The following NFKB2 variants were observed in gnomAD, a reference collection of about 807,000 sequenced individuals.
NFKB2 encodes nuclear factor kappa B subunit 2.
A neutral mutation model predicts 109.3 loss-of-function variants in NFKB2; 21 were observed. That is an observed-to-expected ratio of 0.19 (90% confidence interval 0.14 to 0.28). The LOEUF is 0.28. Among genes scored for constraint, NFKB2 ranks in the 10% least tolerant of loss-of-function variants. NFKB2 has a pLI of 1.00. For synonymous variants in NFKB2, 478 were observed against 489.9 expected, an observed-to-expected ratio of 0.98 and a Z score of 0.32; for missense variants, 806 against 1,185.3, an observed-to-expected ratio of 0.68 and a Z score of 4.70.
At position 102,400,336 on chromosome 10, in the gene NFKB2, G is replaced by C. The variant is rs201353619; in HGVS notation, c.1643G>C (p.Arg548Pro). 7.4e-6 allele frequency: 12 copies of C among 1,613,836 alleles called. No homozygotes were observed. The highest frequency in any genetic ancestry group is 1.3e-5 in the African/African-American group (1 of 74,924). Reference sequence around the variant, plus strand: ...ACGAGTGTGGTGAGCTTTCTGCTGCGGGTAGGTGCAGACCCAGCTCTGCTG... The same window carrying C: ...ACGAGTGTGGTGAGCTTTCTGCTGCCGGTAGGTGCAGACCCAGCTCTGCTG... ...GQTSVVSFLL[R>P]VGADPALLDR... is the part of the protein sequence containing the mutation. Residue 548 changes from arginine (R) to proline (P), a missense_variant, in exon 16 of 23, where the codon CGG becomes CCG. Arg to Pro is a moderately radical substitution (Grantham distance 103, BLOSUM62 -2). Around this residue, in one of 10 missense-constraint regions of NFKB2, gnomAD observed 163 missense variants for 207.1 expected, o/e 0.79. Coordinates refer to ENST00000661543, the MANE Select transcript of NFKB2 (RefSeq NM_001322934.2). This position sits in a 1 kb window ranked among gnomAD's most constrained non-coding sequence, Gnocchi z 6.3.
rs994892633 is a variant in NFKB2, at chr10:102,397,824, C to G, written c.661+139C>G. 15 of 1,279,130 alleles carry G rather than the reference C, an allele frequency of 1.2e-5. No individual in the cohort carries two copies. Among genetic ancestry groups the G allele is most frequent in the Admixed American group, 2.1e-5 (1 of 48,380 alleles). The allele number at this position is 1,279,130 out of a possible 1,614,324, so 79.2% of individuals were successfully genotyped here. The stretch of plus-strand genomic sequence containing the variant: ...ATGAGCTGAGTGATCCTGAGCAAGT[C>G]ATTTCCCCCCCGAAGCTTCTGTCTT... On this transcript the variant is annotated intron_variant, in intron 8 of 22. Coordinates refer to ENST00000661543, the MANE Select transcript of NFKB2 (RefSeq NM_001322934.2). The surrounding 1 kb of genome is among the most constrained non-coding windows in gnomAD (Gnocchi z 4.7).
chr10:102,395,724 C>G lies in NFKB2; in HGVS notation c.-145C>G, dbSNP rs1253773613. ...TGCTCTAACTTTCCTGCCCCTTCCC[C>G]GGCCAAGCCCAACTCCGGATCTCGC... is the stretch of plus-strand genomic sequence containing the variant. On this transcript the variant is annotated 5_prime_UTR_variant, in exon 1 of 23. Coordinates refer to ENST00000661543, the MANE Select transcript of NFKB2 (RefSeq NM_001322934.2). 14 of 596,588 alleles carry G rather than the reference C, an allele frequency of 2.3e-5. No individual in the cohort carries two copies. The Admixed American group carries it at 4.1e-4, about 17-fold the overall frequency. The allele number at this position is 596,588 out of a possible 1,614,324, so 37.0% of individuals were successfully genotyped here.
rs1356505449 is a variant in NFKB2 at position 102,397,592 on chromosome 10, G to C, written c.568G>C (p.Val190Leu). Residue 190 changes from valine to leucine, a missense_variant, in exon 8 of 23, where the codon GTG becomes CTG. This residue lies in a region of NFKB2 where 62 missense variants were observed against 102.2 expected (regional missense o/e 0.61). Transcript: ENST00000661543. This position sits in a 1 kb window ranked among gnomAD's most constrained non-coding sequence, Gnocchi z 4.7. Reference protein sequence around the residue: ...ELKKVMDLSIVRLRFSAFLRA... With the variant: ...ELKKVMDLSILRLRFSAFLRA... ...GAAGAAGGTGATGGATCTGAGTATA[G>C]TGCGGCTGCGCTTCTCTGCCTTCCT... The C allele has an allele frequency of 6.2e-7, 1 of 1,614,004 alleles. No individual in the cohort carries two copies. Among genetic ancestry groups the C allele is most frequent in the African/African-American group, 1.3e-5 (1 of 74,938 alleles).
chr10:102,402,354 AC>A lies in NFKB2; in HGVS notation c.2686del (p.Gln896SerfsTer41). The A allele has an allele frequency of 1.3e-6, 2 of 1,554,234 alleles. No individual in the cohort carries two copies. The highest frequency in any genetic ancestry group is 1.7e-6 in the Non-Finnish European group (2 of 1,151,660). On this transcript the variant is annotated frameshift_variant, in exon 23 of 23. Transcript: ENST00000661543. LOFTEE classifies it high-confidence loss of function. ...CCACCAGGAGGGCTCTGCCACGGGC[AC>A]CCCCAGCCTCAGGTGCACTGACCTG... ...PEPPGGLCHG[H>X]PQPQVH
chr10:102,395,590 T>C (rs1294702385), upstream of NFKB2: 9 of 420,462 alleles, frequency 2.1e-5, no homozygotes, highest in African/African-American at 5.9e-5. Context: ...CCGTAGACTG[T>C]CGAGGGCCTC....
chr10:102,402,295 G>T lies in NFKB2; in HGVS notation c.2622G>T (p.Glu874Asp). 1 of 1,561,422 alleles carries T rather than the reference G, an allele frequency of 6.4e-7. No individual in the cohort carries two copies. Among genetic ancestry groups the T allele is most frequent in the African/African-American group, 1.4e-5 (1 of 73,520 alleles). The change falls in exon 23 of 23, where the codon GAG becomes GAT. Residue 874 changes from glutamate to aspartate, a missense_variant. By Grantham distance (45) the Glu-to-Asp change is conservative. Transcript: ENST00000661543. ...EDSAYGSQSV[E>D]QEAEKLGPPP... ...GTGCGTACGGGAGCCAGTCAGTGGA[G>T]CAGGAGGCAGAGAAGCTGGGCCCAC... is the stretch of plus-strand genomic sequence containing the variant.
rs2061149299 is a variant in NFKB2 at position 102,398,110 on chromosome 10, A to T, written c.766+25A>T. ...GGTGAGACTGGAGCCCACTTTGGGC[A>T]CCAAGGACATCGAGTATAAGACTGG... On this transcript the variant is annotated intron_variant, in intron 9 of 22. Coordinates refer to ENST00000661543, the MANE Select transcript of NFKB2 (RefSeq NM_001322934.2). The surrounding 1 kb of genome is among the most constrained non-coding windows in gnomAD (Gnocchi z 6.6). 1.2e-6 allele frequency: 2 copies of T among 1,611,246 alleles called. No individual in the cohort carries two copies. Among genetic ancestry groups the T allele is most frequent in the African/African-American group, 2.7e-5 (2 of 74,880 alleles).
At position 102,397,565 on chromosome 10, in the gene NFKB2, C is replaced by G. The variant is rs1362312596; in HGVS notation, c.541C>G (p.Leu181Val). The change falls in exon 8 of 23, where the codon CTG (leucine) becomes GTG (valine). Residue 181 changes from leucine to valine, a missense_variant. This residue lies in a region of NFKB2 where 62 missense variants were observed against 102.2 expected (regional missense o/e 0.61). Transcript: ENST00000661543. This position sits in a 1 kb window ranked among gnomAD's most constrained non-coding sequence, Gnocchi z 4.7. Reference sequence around the variant, plus strand: ...GGAGCTGGAGCAAGAGGCCAAAGAACTGAAGAAGGTGATGGATCTGAGTAT... The same window carrying G: ...GGAGCTGGAGCAAGAGGCCAAAGAAGTGAAGAAGGTGATGGATCTGAGTAT... ...QRELEQEAKE[L>V]KKVMDLSIVR... 1 of 1,613,964 alleles carries G rather than the reference C, an allele frequency of 6.2e-7. No individual in the cohort carries two copies. Among genetic ancestry groups the G allele is most frequent in the Non-Finnish European group, 8.5e-7 (1 of 1,179,838 alleles).
rs375046686 is a variant in NFKB2 at position 102,397,430 on chromosome 10, C to T, written c.502+22C>T. On this transcript the variant is annotated intron_variant, in intron 7 of 22. Transcript: ENST00000661543. This position sits in a 1 kb window ranked among gnomAD's most constrained non-coding sequence, Gnocchi z 4.7. ...ACGGGTATGGGTGCAGGGGGTGGGT[C>T]GGGTATGGGTGCAGGGGGTGGGTGG... 8.3e-5 allele frequency: 15 copies of T among 180,944 alleles called. No individual in the cohort carries two copies. The highest frequency in any genetic ancestry group is 4.2e-4 in the East Asian group (2 of 4,786). 11.2% of individuals were successfully genotyped at this position (180,944 alleles called of 1,614,324 possible).
chr10:102,395,840 C>A, intron 1 of NFKB2, 44 bp downstream of exon 1: 1 of 576,718 alleles, frequency 1.7e-6, no homozygotes, highest in South Asian at 2.4e-5. Context: ...CCCGCCCACC[C>A]CCATTTAGAT....
chr10:102,399,938 C>G, intron 14 of NFKB2, 142 bp from the exon 15 acceptor site: 2 of 1,068,272 alleles, frequency 1.9e-6, no homozygotes, highest in Non-Finnish European at 2.7e-6. Flanking sequence ...TGCTGCGAAA[C>G]GTTAAGTGCA....
In NFKB2 at chr10:102,400,459, T is replaced by C. The variant is rs1445098332; in HGVS notation, c.1766T>C (p.Val589Ala). The change falls in exon 16 of 23, where the codon GTG becomes GCG. Residue 589 changes from valine to alanine, a missense_variant. Physicochemically the swap from Val to Ala is moderately conservative, Grantham distance 64. Coordinates refer to ENST00000661543, the MANE Select transcript of NFKB2 (RefSeq NM_001322934.2). This position sits in a 1 kb window ranked among gnomAD's most constrained non-coding sequence, Gnocchi z 6.3. ...CTGCTTCAGAGTGGAGCTCCTGCTGTGCCCCAGCTGTTGCATATGCCTGAC... is the reference window on the plus strand; with the variant it reads ...CTGCTTCAGAGTGGAGCTCCTGCTGCGCCCCAGCTGTTGCATATGCCTGAC... ...RALLQSGAPA[V>A]PQLLHMPDFE... The C allele has an allele frequency of 6.2e-7, 1 of 1,611,248 alleles. No individual in the cohort carries two copies. Among genetic ancestry groups the C allele is most frequent in the South Asian group, 1.1e-5 (1 of 90,886 alleles).
chr10:102,399,754 G>T (rs1386289633), intron 14 of NFKB2, 36 bp downstream of exon 14: 39 of 1,442,962 alleles, frequency 2.7e-5, no homozygotes, highest in Non-Finnish European at 3.5e-5. Context: ...GAGGCGCGGG[G>T]TGGGGGCAGG....
In NFKB2 at chr10:102,401,988, C is replaced by T; in HGVS notation, c.2467-60C>T. On this transcript the variant is annotated intron_variant, in intron 21 of 22. Transcript: ENST00000661543. The surrounding 1 kb of genome is among the most constrained non-coding windows in gnomAD (Gnocchi z 4.2). Reference sequence around the variant, plus strand: ...TCTGAGTCCAGGTGCCTCCTTGGCCCCAGGGCTCCCGAGCACATGCCCTAA... The same window carrying T: ...TCTGAGTCCAGGTGCCTCCTTGGCCTCAGGGCTCCCGAGCACATGCCCTAA... 1.3e-6 allele frequency: 2 copies of T among 1,583,630 alleles called. No individual in the cohort carries two copies. Among genetic ancestry groups the T allele is most frequent in the South Asian group, 1.1e-5 (1 of 87,618 alleles).
In NFKB2 at chr10:102,397,612, C is replaced by T. The variant is rs2061140684; in HGVS notation, c.588C>T (p.Ala196=). The change falls in exon 8 of 23, where the codon GCC becomes GCT. Residue 196 remains alanine, a synonymous_variant. Transcript: ENST00000661543. This position sits in a 1 kb window ranked among gnomAD's most constrained non-coding sequence, Gnocchi z 4.7. ...DLSIVRLRFS[A]FLRASDGSFS... is the part of the protein sequence containing the mutation. ...GTATAGTGCGGCTGCGCTTCTCTGC[C>T]TTCCTTAGAGCCAGTGATGGCTCCT... 2.5e-6 allele frequency: 4 copies of T among 1,614,054 alleles called. No individual in the cohort carries two copies. Among genetic ancestry groups the T allele is most frequent in the Non-Finnish European group, 3.4e-6 (4 of 1,179,916 alleles).
At chr10:102,394,725 G>T (rs1393307603), upstream of NFKB2, 1 of 152,660 alleles carries the variant, frequency 6.6e-6, no homozygotes, top group Admixed American at 6.5e-5. Flanking sequence ...GCGCGCAGGC[G>T]ACGACACTCG....
At position 102,401,711 on chromosome 10, in the gene NFKB2, G is replaced by A; in HGVS notation, c.2294-34G>A. The A allele has an allele frequency of 1.9e-6, 3 of 1,568,906 alleles. No individual in the cohort carries two copies. The highest frequency in any genetic ancestry group is 2.6e-6 in the Non-Finnish European group (3 of 1,155,148). ...TCCATGTCCCCACCCAACTCTGGAG[G>A]TAAATGACATGTCTGTATGTGTGTC... On this transcript the variant is annotated intron_variant, in intron 20 of 22. Transcript: ENST00000661543. This position sits in a 1 kb window ranked among gnomAD's most constrained non-coding sequence, Gnocchi z 4.2.
rs989884881 is a variant in NFKB2, at chr10:102,400,218, G to C, written c.1584+24G>C. 6.2e-7 allele frequency: 1 copy of C among 1,613,988 alleles called. No individual in the cohort carries two copies. The highest frequency in any genetic ancestry group is 1.7e-5 in the Admixed American group (1 of 60,028). The stretch of plus-strand genomic sequence containing the variant: ...AGGTGCGGGGGCGCCTACTGGGGAG[G>C]TGGGAGGGGTTGGAAGGCAAGTGGG... On this transcript the variant is annotated intron_variant, in intron 15 of 22. Coordinates refer to ENST00000661543, the MANE Select transcript of NFKB2 (RefSeq NM_001322934.2). The surrounding 1 kb of genome is among the most constrained non-coding windows in gnomAD (Gnocchi z 6.3).
At position 102,400,281 on chromosome 10, in the gene NFKB2, C is replaced by T; in HGVS notation, c.1588C>T (p.Pro530Ser). 1 of 1,614,090 alleles carries T rather than the reference C, an allele frequency of 6.2e-7. No individual in the cohort carries two copies. Among genetic ancestry groups the T allele is most frequent in the Non-Finnish European group, 8.5e-7 (1 of 1,180,024 alleles). ...VNLTNHLHQT[P>S]LHLAVITGQT... ...CTCACCCTGCTTTCATCCCCAGACGCCCCTGCACCTGGCGGTGATCACGGG... is the reference window on the plus strand; with the variant it reads ...CTCACCCTGCTTTCATCCCCAGACGTCCCTGCACCTGGCGGTGATCACGGG... The change falls in exon 16 of 23, where the codon CCC becomes TCC. Residue 530 changes from proline to serine, a missense_variant. Pro to Ser is a moderately conservative substitution (Grantham distance 74). Coordinates refer to ENST00000661543, the MANE Select transcript of NFKB2 (RefSeq NM_001322934.2). This position sits in a 1 kb window ranked among gnomAD's most constrained non-coding sequence, Gnocchi z 6.3.
Sources: allele counts gnomAD v4.1 joint callset, GRCh38; gene constraint gnomAD v4.1.1; regional missense constraint gnomAD v4.1.1; non-coding constraint Gnocchi (gnomAD v3.1); transcripts MANE v1.5; gene names NCBI Gene and HGNC (gene_info 2026-07-23, HGNC 2026-07-21).